The following CDK5RAP2 variants were observed in gnomAD, a reference collection of about 807,000 sequenced individuals.
The protein encoded by CDK5RAP2 is CDK5 regulatory subunit-associated protein 2.
A neutral mutation model predicts 232.9 loss-of-function variants in CDK5RAP2; 147 were observed. That is an observed-to-expected ratio of 0.63 (90% CI 0.55 to 0.72). The LOEUF (loss-of-function observed/expected upper bound fraction) is 0.72, where lower values mean the gene tolerates loss of function less well. Among genes scored for constraint, CDK5RAP2 ranks in the 30% least tolerant of loss-of-function variants. The probability of loss-of-function intolerance (pLI) is 0.00; values close to 1 mark genes in which losing one functional copy is unlikely to be tolerated. For synonymous variants in CDK5RAP2, 833 were observed against 833.7 expected (o/e 1.00, Z 0.01); for missense variants, 2,195 against 2,231.5 (o/e 0.98, Z 0.33).
chr9:120,413,504 G>A (rs1193335922), intron 28 of CDK5RAP2, among the ~76,000 whole-genome samples: 2 of 152,190 alleles, frequency 1.3e-5, no homozygotes, highest in Non-Finnish European at 2.9e-5. Context: ...AGAACAGCAC[G>A]TCTTTCCACC....
chr9:120,439,856 A>G lies in CDK5RAP2; in HGVS notation c.3265T>C (p.Ser1089Pro), dbSNP rs138526640. 58 of 1,614,182 alleles carry G rather than the reference A, an allele frequency of 3.6e-5. No homozygotes were observed. In the African/African-American group the frequency reaches 4.8e-4, roughly 13 times the overall value. Residue 1089 changes from serine (S) to proline (P), a missense_variant, in exon 24 of 38, where the codon TCT becomes CCT. Ser to Pro is a moderately conservative substitution (Grantham distance 74). Coordinates refer to ENST00000349780, the MANE Select transcript of CDK5RAP2 (RefSeq NM_018249.6). ...GTCCCCATCACACTGACTTTAGCAG[A>G]AGGCTGACTCTTGGAACTCAGGTAA... is the stretch of plus-strand genomic sequence containing the variant. Reference protein sequence around the residue: ...ATYLSSKSQPSAKVSVMGTDQ... With the variant: ...ATYLSSKSQPPAKVSVMGTDQ...
At chr9:120,468,669 T>C (rs1005270538) in intron 17 of CDK5RAP2, among the ~76,000 whole-genome samples, 8 of 152,182 alleles carry the variant, frequency 5.3e-5, no homozygotes, top group African/African-American at 1.4e-4. Flanking sequence ...AGCTGGGGTG[T>C]CTGGAGAATT....
intron 18 of CDK5RAP2, among the ~76,000 whole-genome samples, chr9:120,466,011 A>C (rs966779074): frequency 6.6e-6 from 1 of 152,210 alleles, no homozygotes; most frequent in African/African-American, 2.4e-5. Flanking sequence ...ATTAGGGGTA[A>C]TTTATTCTCT....
At chr9:120,537,582 G>A (rs1211217840) in intron 6 of CDK5RAP2, among the ~76,000 whole-genome samples, 1 of 152,032 alleles carries the variant, frequency 6.6e-6, no homozygotes, top group Non-Finnish European at 1.5e-5. Context: ...TAAGACAGTA[G>A]AGTATAGCAG....
At position 120,569,114 on chromosome 9, in the gene CDK5RAP2, T is replaced by C. The variant is rs76147194; in HGVS notation, c.128-726A>G. On this transcript the variant is annotated intron_variant, in intron 2 of 37. Transcript: ENST00000349780. ...AATCCTGCATCCAAGAGGTTCCCTA[T>C]CGAGTGAGCAGGATGGAGATCTAAA... Among the ~76,000 whole-genome samples, 668 of 152,292 alleles carry C rather than the reference T, an allele frequency of 4.4e-3. 5 individuals are homozygous for C. Among genetic ancestry groups the C allele is most frequent in the African/African-American group, 0.015 (616 of 41,562 alleles).
At chr9:120,458,336 C>A in intron 20 of CDK5RAP2, 114 bp downstream of exon 20, 1 of 1,003,178 alleles carries the variant, frequency 1.0e-6, no homozygotes, top group East Asian at 2.5e-5. Flanking sequence ...CAAGCCATTT[C>A]AGGAGCTCTC....
chr9:120,395,723 A>C (rs1330062813), intron 35 of CDK5RAP2, among the ~76,000 whole-genome samples: 1 of 152,264 alleles, frequency 6.6e-6, no homozygotes, highest in Admixed American at 6.5e-5. Flanking sequence ...TGCATAATTT[A>C]ATTAAATATT....
intron 24 of CDK5RAP2, 96 bp downstream of exon 24, chr9:120,439,303 C>A: frequency 1.9e-6 from 2 of 1,055,994 alleles, no homozygotes; most frequent in South Asian, 2.5e-5. Context: ...CTACCCATCA[C>A]AGAGTAGTGT....
chr9:120,429,144 C>T (rs1445748754), intron 25 of CDK5RAP2, among the ~76,000 whole-genome samples: 1 of 152,004 alleles, frequency 6.6e-6, no homozygotes, highest in African/African-American at 2.4e-5. Context: ...AAACCCACAG[C>T]CAATATCATA....
At chr9:120,494,565 T>C (rs191668697) in intron 12 of CDK5RAP2, among the ~76,000 whole-genome samples, 29 of 152,202 alleles carry the variant, frequency 1.9e-4, no homozygotes, top group Non-Finnish European at 2.2e-4. Context: ...TTATAACTTA[T>C]AGAGTAAAAC....
intron 18 of CDK5RAP2, among the ~76,000 whole-genome samples, chr9:120,461,978 A>C (rs1444399824): frequency 6.6e-6 from 1 of 152,256 alleles, no homozygotes; most frequent in Non-Finnish European, 1.5e-5. Context: ...CCCTACATTT[A>C]GTCAATTATC....
chr9:120,515,390 G>C (rs970736943), intron 12 of CDK5RAP2, among the ~76,000 whole-genome samples: 4 of 152,116 alleles, frequency 2.6e-5, no homozygotes, highest in African/African-American at 9.7e-5. Flanking sequence ...ATTGAGTACA[G>C]GTTATATTAA....
chr9:120,460,943 C>T (rs2037054843), intron 18 of CDK5RAP2, among the ~76,000 whole-genome samples: 1 of 152,224 alleles, frequency 6.6e-6, no homozygotes, highest in Non-Finnish European at 1.5e-5. Flanking sequence ...CCTTGCATGG[C>T]CTTTCCTGAG....
At chr9:120,516,576 A>G (rs2040351704) in intron 12 of CDK5RAP2, among the ~76,000 whole-genome samples, 1 of 152,208 alleles carries the variant, frequency 6.6e-6, no homozygotes, top group Non-Finnish European at 1.5e-5. Flanking sequence ...CTGTAATCCC[A>G]GCACTTTCAG....
At chr9:120,419,510 C>G (rs909415320) in intron 27 of CDK5RAP2, among the ~76,000 whole-genome samples, 1 of 152,180 alleles carries the variant, frequency 6.6e-6, no homozygotes, top group African/African-American at 2.4e-5. Flanking sequence ...CACTGACATA[C>G]AAGTTCAATG....
intron 3 of CDK5RAP2, among the ~76,000 whole-genome samples, chr9:120,564,384 G>A (rs533193352): frequency 6.6e-6 from 1 of 152,004 alleles, no homozygotes; most frequent in South Asian, 2.1e-4. Context: ...CAGCTACTAG[G>A]GAGGCTGAAG....
At chr9:120,486,054 C>T (rs2131608009) in intron 14 of CDK5RAP2, among the ~76,000 whole-genome samples, 1 of 152,328 alleles carries the variant, frequency 6.6e-6, no homozygotes, top group East Asian at 1.9e-4. Context: ...GCATTGGTTG[C>T]TAATATACTG....
chr9:120,550,042 G>T (rs1209007533), intron 4 of CDK5RAP2, among the ~76,000 whole-genome samples: 1 of 152,154 alleles, frequency 6.6e-6, no homozygotes, highest in East Asian at 1.9e-4. Context: ...TAATTCCCAG[G>T]CCAAGGGCTA....
intron 9 of CDK5RAP2, 30 bp downstream of exon 9, chr9:120,528,714 A>T: frequency 7.2e-7 from 1 of 1,382,252 alleles, no homozygotes; most frequent in Non-Finnish European, 1.0e-6. Context: ...CTAAATCTTC[A>T]ATACATTTTT....
Sources: gnomAD v4.1 joint callset for allele counts (sites outside exome capture counted in the v4.1 genomes callset) on GRCh38, gnomAD v4.1.1 for gene constraint, MANE v1.5 for transcripts, NCBI Gene and HGNC (gene_info 2026-07-23, HGNC 2026-07-21) for gene names.